The following MARK4 variants were observed in gnomAD, a reference collection of about 807,000 sequenced individuals.
MARK4 encodes MAP/microtubule affinity-regulating kinase 4.
Under a neutral mutation model 81.5 loss-of-function variants are expected in MARK4, and 19 were observed. The ratio of observed to expected loss-of-function variants is 0.23; its 90% confidence interval spans 0.16 to 0.34. MARK4 has a LOEUF of 0.34. Among genes scored for constraint, MARK4 ranks in the 10% least tolerant of loss-of-function variants. MARK4 has a pLI of 1.00. For synonymous variants in MARK4, 436 were observed against 439.0 expected (o/e 0.99, Z 0.08); for missense variants, 772 against 1,058.8 (o/e 0.73, Z 3.76).
In MARK4 at chr19:45,271,371, T is replaced by C; in HGVS notation, c.550-101T>C. 1 of 1,177,120 alleles carries C rather than the reference T, an allele frequency of 8.5e-7. No individual in the cohort carries two copies. The highest frequency in any genetic ancestry group is 1.2e-6 in the Non-Finnish European group (1 of 809,418). The allele number at this position is 1,177,120 out of a possible 1,614,324, so 72.9% of individuals were successfully genotyped here. A position where few individuals can be genotyped will look rare whatever the true frequency, so the allele number is the denominator to read the frequency against. On this transcript the variant is annotated intron_variant, in intron 7 of 16. Coordinates refer to ENST00000262891, the MANE Select transcript of MARK4 (RefSeq NM_001199867.2). This position sits in a 1 kb window ranked among gnomAD's most constrained non-coding sequence, Gnocchi z 4.1. ...AAGGACAGGCCCAAGAGTTGATCCC[T>C]GTGGGCCAGCCCTAGAGCCTGTGCT...
At chr19:45,267,256 C>T (rs188331969) in intron 7 of MARK4, among the ~76,000 whole-genome samples, 265 of 152,210 alleles carry the variant, frequency 1.7e-3, no homozygotes, top group Middle Eastern at 6.8e-3. Flanking sequence ...CGGAGTTTCA[C>T]CATGTTGGCC....
intron 14 of MARK4, among the ~76,000 whole-genome samples, chr19:45,295,941 C>T (rs1305956223): frequency 6.6e-6 from 1 of 152,166 alleles, no homozygotes; most frequent in Non-Finnish European, 1.5e-5. Context: ...CAATAGTGAA[C>T]ATTCATGAAG....
chr19:45,262,770 G>A (rs1206870738), intron 2 of MARK4, among the ~76,000 whole-genome samples: 1 of 152,194 alleles, frequency 6.6e-6, no homozygotes, highest in East Asian at 1.9e-4. Flanking sequence ...TGGGAGAGGG[G>A]GCAAAGGAAG....
At chr19:45,292,929 A>G (rs1970837794) in intron 13 of MARK4, among the ~76,000 whole-genome samples, 1 of 152,000 alleles carries the variant, frequency 6.6e-6, no homozygotes, top group African/African-American at 2.4e-5. Context: ...GAGAAAGAAG[A>G]GGTACAATAA....
At chr19:45,277,608 A>G (rs1301839288) in intron 8 of MARK4, among the ~76,000 whole-genome samples, 1 of 151,856 alleles carries the variant, frequency 6.6e-6, no homozygotes, top group Non-Finnish European at 1.5e-5. Context: ...TGTGTTGCCC[A>G]GGCTGTTCTT....
intron 1 of MARK4, among the ~76,000 whole-genome samples, chr19:45,254,702 G>A (rs1332916775): frequency 6.6e-6 from 1 of 152,236 alleles, no homozygotes; most frequent in Non-Finnish European, 1.5e-5. Context: ...AGCCCTGGCC[G>A]TGGTGGTTGG....
chr19:45,273,692 T>A (rs1430551369), intron 8 of MARK4, among the ~76,000 whole-genome samples: 1 of 152,246 alleles, frequency 6.6e-6, no homozygotes, highest in African/African-American at 2.4e-5. Context: ...GGTTGCCTGG[T>A]GTTTCCTCTC....
intron 4 of MARK4, among the ~76,000 whole-genome samples, chr19:45,263,572 T>C (rs1970408294): frequency 6.6e-6 from 1 of 151,828 alleles, no homozygotes; most frequent in Admixed American, 6.6e-5. Flanking sequence ...TGAAACTCTG[T>C]CTCTACTGAA....
At chr19:45,256,075 C>T (rs1970304150) in intron 1 of MARK4, among the ~76,000 whole-genome samples, 1 of 152,168 alleles carries the variant, frequency 6.6e-6, no homozygotes, top group South Asian at 2.1e-4. Context: ...CAGGGGGTGG[C>T]AGAAGCAACA....
At position 45,302,633 on chromosome 19, in the gene MARK4, C is replaced by G. The variant is rs764906559; in HGVS notation, c.2182C>G (p.Leu728Val). ...GCCCCGGCCAGGCTTGCGGGGAGTT[C>G]TCTTCCGCCGTGTGGCGGGCACCGC... ...QLPRPGLRGV[L>V]FRRVAGTALA... is the part of the protein sequence containing the mutation. The change falls in exon 17 of 17, where the codon CTC becomes GTC. Residue 728 changes from leucine (L) to valine (V), a missense_variant. By Grantham distance (32) the Leu-to-Val change is conservative (BLOSUM62 1). Coordinates refer to ENST00000262891, the MANE Select transcript of MARK4 (RefSeq NM_001199867.2). This position sits in a 1 kb window ranked among gnomAD's most constrained non-coding sequence, Gnocchi z 4.9. The G allele has an allele frequency of 1.3e-6, 2 of 1,544,856 alleles. No homozygotes were observed. The highest frequency in any genetic ancestry group is 1.4e-5 in the African/African-American group (1 of 73,492).
rs71173139 is a variant in MARK4 at position 45,285,261 on chromosome 19, CAAAAAAA to C, written c.1277-2168_1277-2162del. Among the ~76,000 whole-genome samples the C allele has an allele frequency of 1.4e-3, 82 of 57,124 alleles. 2 individuals are homozygous for C. Among genetic ancestry groups the C allele is most frequent in the Non-Finnish European group, 8.5e-4 (25 of 29,434 alleles). The allele number at this position is 57,124 out of a possible 152,430, so 37.5% of individuals were successfully genotyped here. A position where few individuals can be genotyped will look rare whatever the true frequency, so the allele number is the denominator to read the frequency against. Reference sequence around the variant, plus strand: ...GCGATAGAGCCAGACTGCCGTGTCTCAAAAAAAAAAAAAAAAAAAAAAAAGAATCCAG... The same window carrying C: ...GCGATAGAGCCAGACTGCCGTGTCTCAAAAAAAAAAAAAAAAAGAATCCAG... On this transcript the variant is annotated intron_variant, in intron 12 of 16. Transcript: ENST00000262891.
chr19:45,286,547 A>G (rs1970745303), intron 12 of MARK4, among the ~76,000 whole-genome samples: 1 of 149,428 alleles, frequency 6.7e-6, no homozygotes, highest in South Asian at 2.1e-4. Flanking sequence ...CTGTCTCTAC[A>G]AAAAAAAATA....
intron 4 of MARK4, 68 bp from the exon 5 acceptor site, chr19:45,264,616 A>C (rs934569865): frequency 2.9e-5 from 42 of 1,460,444 alleles, no homozygotes; most frequent in Admixed American, 1.7e-5. Flanking sequence ...ACATTTGCAT[A>C]GTTACTGAGG....
intron 8 of MARK4, among the ~76,000 whole-genome samples, chr19:45,275,873 T>G (rs1970591594): frequency 6.6e-6 from 1 of 152,204 alleles, no homozygotes. Flanking sequence ...AATTAAATAT[T>G]AATAGCCCTT....
At chr19:45,259,648 G>A (rs572614628) in intron 2 of MARK4, among the ~76,000 whole-genome samples, 93 of 152,166 alleles carry the variant, frequency 6.1e-4, no homozygotes, top group Non-Finnish European at 1.0e-3. Context: ...GGTGGTGTGT[G>A]CCTGTGGTCC....
At chr19:45,298,389 G>A (rs930092497) in intron 15 of MARK4, among the ~76,000 whole-genome samples, 9 of 152,136 alleles carry the variant, frequency 5.9e-5, no homozygotes, top group African/African-American at 2.2e-4. Flanking sequence ...AGACTCGGGG[G>A]TTCAAATGGC....
chr19:45,267,348 C>T (rs1306509841), intron 7 of MARK4, among the ~76,000 whole-genome samples: 3 of 152,014 alleles, frequency 2.0e-5, no homozygotes, highest in African/African-American at 4.8e-5. Context: ...TGTGAGCCAC[C>T]GTGTCCAGTC....
In MARK4 at chr19:45,302,460, C is replaced by T; in HGVS notation, c.2009C>T (p.Pro670Leu). 6.2e-7 allele frequency: 1 copy of T among 1,613,278 alleles called. No individual in the cohort carries two copies. The highest frequency in any genetic ancestry group is 8.5e-7 in the Non-Finnish European group (1 of 1,179,894). ...WSVKLTSSRP[P>L]EALMAALRQA... ...GTGAAGCTGACCAGCTCGCGCCCTCCTGAGGCCCTGATGGCAGCTCTGCGC... is the reference window on the plus strand; with the variant it reads ...GTGAAGCTGACCAGCTCGCGCCCTCTTGAGGCCCTGATGGCAGCTCTGCGC... The change falls in exon 17 of 17, where the codon CCT (proline) becomes CTT (leucine). Residue 670 changes from proline to leucine, a missense_variant. Pro to Leu is a moderately conservative substitution (Grantham distance 98, BLOSUM62 -3). Around this residue, in one of 3 missense-constraint regions of MARK4, gnomAD observed 548 missense variants for 624.3 expected, o/e 0.88. Transcript: ENST00000262891. The surrounding 1 kb of genome is among the most constrained non-coding windows in gnomAD (Gnocchi z 4.9).
chr19:45,298,967 T>C (rs1970928655), intron 15 of MARK4, among the ~76,000 whole-genome samples: 1 of 150,058 alleles, frequency 6.7e-6, no homozygotes, highest in African/African-American at 2.5e-5. Flanking sequence ...TCCCATGGAA[T>C]TGGGAGGCCG....
Sources: gnomAD v4.1 joint callset for allele counts (sites outside exome capture counted in the v4.1 genomes callset) on GRCh38, gnomAD v4.1.1 for gene constraint, gnomAD v4.1.1 regional missense constraint, Gnocchi (gnomAD v3.1) non-coding constraint, MANE v1.5 for transcripts, NCBI Gene and HGNC (gene_info 2026-07-23, HGNC 2026-07-21) for gene names.